Variants in COL6A2 observed in about 807,000 individuals in gnomAD.
COL6A2 encodes the protein collagen alpha-2(VI) chain.
COL6A2 carries 90 observed loss-of-function variants against 124.9 expected under a neutral mutation model. The observed-to-expected ratio is 0.72, with a 90% CI of 0.61 to 0.86. The LOEUF (loss-of-function observed/expected upper bound fraction) is 0.86. Among genes scored for constraint, COL6A2 ranks in the 40% least tolerant of loss-of-function variants. The pLI is 0.00. For missense variants in COL6A2, 1,607 were observed against 1,502.5 expected (o/e 1.07, Z -1.15); for synonymous variants, 793 against 618.2 (o/e 1.28, Z -4.19).
chr21:46,109,186 G>A (rs2078367824), intron 1 of COL6A2, among the ~76,000 whole-genome samples: 1 of 152,152 alleles, frequency 6.6e-6, no homozygotes, highest in African/African-American at 2.4e-5. Context: ...GCTCTCAGCA[G>A]AGAGAAAGCC....
intron 23 of COL6A2, 73 bp from the exon 24 acceptor site, chr21:46,125,193 C>T (rs1796191543): frequency 4.9e-6 from 7 of 1,435,188 alleles, no homozygotes; most frequent in Middle Eastern, 1.8e-4. Flanking sequence ...CCGGGACCCC[C>T]AGGCCAGGAC....
intron 25 of COL6A2, 80 bp downstream of exon 25, chr21:46,125,697 C>T (rs544403888): frequency 1.3e-4 from 208 of 1,590,218 alleles, no homozygotes; most frequent in Middle Eastern, 5.0e-4. Flanking sequence ...GAAGTCCAGA[C>T]GCGTCCCTCC....
chr21:46,132,234 C>T lies in COL6A2; in HGVS notation c.2742C>T (p.Phe914=), dbSNP rs747734639. 2.6e-5 allele frequency: 42 copies of T among 1,600,134 alleles called. 2 individuals carry two copies. In the Middle Eastern group the frequency reaches 3.6e-3, roughly 138 times the overall value. ...ALETTQYLNS[F]SHVGAGVVHA... ...AGACCACACAATACCTGAACTCCTT[C>T]TCGCACGTGGGCGCAGGCGTGGTGC... The change falls in exon 28 of 28, where the codon TTC becomes TTT. Residue 914 remains phenylalanine (F), a synonymous_variant. Transcript: ENST00000300527.
chr21:46,116,058 G>C lies in COL6A2; in HGVS notation c.900+5G>C. The stretch of plus-strand genomic sequence containing the variant: ...ATTGGATTCCCAGGACCCAAGGTGA[G>C]TGACCTCGGCCAGGGGCTTGGCTCC... On this transcript the variant is annotated splice_donor_5th_base_variant and intron_variant, in intron 7 of 27. Transcript: ENST00000300527. The surrounding 1 kb of genome is among the most constrained non-coding windows in gnomAD (Gnocchi z 4.6). The C allele has an allele frequency of 6.3e-7, 1 of 1,579,828 alleles. No homozygotes were observed. The highest frequency in any genetic ancestry group is 8.6e-7 in the Non-Finnish European group (1 of 1,163,740).
At chr21:46,120,312 G>C (rs2078543590) in intron 15 of COL6A2, among the ~76,000 whole-genome samples, 1 of 152,168 alleles carries the variant, frequency 6.6e-6, no homozygotes, top group African/African-American at 2.4e-5. Context: ...GGGGGACCGA[G>C]AGACACCGTG....
intron 1 of COL6A2, among the ~76,000 whole-genome samples, 180 bp downstream of exon 1, chr21:46,098,353 C>T (rs1390281358): frequency 1.3e-5 from 2 of 151,746 alleles, no homozygotes; most frequent in Non-Finnish European, 2.9e-5. Flanking sequence ...GCTGGGGCCG[C>T]GCCTGCCCCT....
At chr21:46,129,818 C>T in intron 27 of COL6A2, 1 of 1,135,762 alleles carries the variant, frequency 8.8e-7, no homozygotes, top group Non-Finnish European at 1.1e-6. Context: ...CTGCAGAGTC[C>T]TTCTTTGCTG....
chr21:46,129,053 C>CCG, intron 27 of COL6A2: 1 of 1,600,400 alleles, frequency 6.2e-7, no homozygotes, highest in Non-Finnish European at 8.5e-7. Context: ...AGCCACACAC[C>CCG]CGCTCCACCT....
chr21:46,120,724 G>A, intron 16 of COL6A2, 147 bp downstream of exon 16: 1 of 807,654 alleles, frequency 1.2e-6, no homozygotes, highest in Non-Finnish European at 1.9e-6. Context: ...GGGCCCAGGT[G>A]AGGGCTATAC....
chr21:46,119,697 A>G (rs750419379), intron 14 of COL6A2, 91 bp from the exon 15 acceptor site: 12 of 1,174,646 alleles, frequency 1.0e-5, no homozygotes, highest in Admixed American at 2.0e-5. Flanking sequence ...CCTGTAGAGA[A>G]GGAGCATCGG....
At position 46,099,889 on chromosome 21, in the gene COL6A2, C is replaced by CGTTTTTTTTTTTTTTT. The variant is rs1345870090; in HGVS notation, c.-28+1716_-28+1717insGTTTTTTTTTTTTTTT. 4.4e-5 allele frequency among the ~76,000 whole-genome samples: 4 copies of CGTTTTTTTTTTTTTTT among 91,840 alleles called. 1 individual carries two copies. The highest frequency in any genetic ancestry group is 6.3e-5 in the Non-Finnish European group (3 of 47,664). The allele number at this position is 91,840 out of a possible 152,430, so 60.3% of individuals were successfully genotyped here. A position where few individuals can be genotyped will look rare whatever the true frequency, so the allele number is the denominator to read the frequency against. On this transcript the variant is annotated intron_variant, in intron 1 of 27. Coordinates refer to ENST00000300527, the MANE Select transcript of COL6A2 (RefSeq NM_001849.4). ...TCTCCACAATGGATAGCAGCACTGT[C>CGTTTTTTTTTTTTTTT]TTTTTTTTTTTTTTTTTTTTTTTCT... is the stretch of plus-strand genomic sequence containing the variant.
At position 46,112,394 on chromosome 21, in the gene COL6A2, C is replaced by T. The variant is rs772608328; in HGVS notation, c.531C>T (p.Ala177=). 6.8e-6 allele frequency: 11 copies of T among 1,607,516 alleles called. No homozygotes were observed. Among genetic ancestry groups the T allele is most frequent in the Middle Eastern group, 1.6e-4 (1 of 6,070 alleles). Residue 177 remains alanine (A), a synonymous_variant, in exon 3 of 28, where the codon GCC becomes GCT. Transcript: ENST00000300527. ...CCTGCGGGGGCATCAAGCTGCAGGCCGAGCGGGCCCGCGAGGAGGGCATCC... is the reference window on the plus strand; with the variant it reads ...CCTGCGGGGGCATCAAGCTGCAGGCTGAGCGGGCCCGCGAGGAGGGCATCC... ...GSPCGGIKLQ[A]ERAREEGIRL...
chr21:46,110,056 C>A (rs2123608426), intron 1 of COL6A2, among the ~76,000 whole-genome samples: 1 of 152,320 alleles, frequency 6.6e-6, no homozygotes, highest in Non-Finnish European at 1.5e-5. Flanking sequence ...AGCATGGTAC[C>A]TGGCCATGTC....
chr21:46,110,554 C>T (rs1185543432), intron 1 of COL6A2, among the ~76,000 whole-genome samples: 2 of 152,144 alleles, frequency 1.3e-5, no homozygotes, highest in Non-Finnish European at 1.5e-5. Context: ...GCCTGGGTCA[C>T]CTCATCCACT....
rs777782503 is a variant in COL6A2 at position 46,119,020 on chromosome 21, C to G, written c.1180-10C>G. 1.9e-6 allele frequency: 3 copies of G among 1,602,648 alleles called. No homozygotes were observed. Among genetic ancestry groups the G allele is most frequent in the Admixed American group, 3.3e-5 (2 of 59,952 alleles). ...CCTCTGGGTGACTGTGCTGTCCTCT[C>G]CTTCTTCAGGGGTATCAAGGCAACA... On this transcript the variant is annotated splice_polypyrimidine_tract_variant and intron_variant, in intron 13 of 27. Transcript: ENST00000300527.
intron 27 of COL6A2, chr21:46,128,892 C>G (rs776320722): frequency 6.2e-7 from 1 of 1,609,558 alleles, no homozygotes; most frequent in South Asian, 1.1e-5. Flanking sequence ...TTTGGCCTGT[C>G]TCCGGCACAG....
At chr21:46,115,826 C>T in intron 5 of COL6A2, 46 bp from the exon 6 acceptor site, 1 of 1,588,154 alleles carries the variant, frequency 6.3e-7, no homozygotes, top group Non-Finnish European at 8.6e-7. Context: ...CAGCTGCCTA[C>T]CGCCCACCCT....
chr21:46,125,804 G>A lies in COL6A2; in HGVS notation c.1989G>A (p.Val663=), dbSNP rs944558259. ...KSETGTRVGV[V]QYSHEGTFEA... ...TTGCAGGGACGCGTGTGGGCGTGGT[G>A]CAGTACAGCCACGAGGGCACCTTTG... Residue 663 remains valine, a synonymous_variant, in exon 26 of 28, where the codon GTG becomes GTA. Transcript: ENST00000300527. 5.0e-6 allele frequency: 8 copies of A among 1,612,718 alleles called. No individual in the cohort carries two copies. In the Admixed American group the frequency reaches 5.0e-5, roughly 10 times the overall value.
At chr21:46,107,628 C>T (rs973220543) in intron 1 of COL6A2, among the ~76,000 whole-genome samples, 6 of 152,184 alleles carry the variant, frequency 3.9e-5, no homozygotes, top group African/African-American at 1.4e-4. Context: ...TCTCTAAGGG[C>T]AGCCACTATG....
Sources: gnomAD v4.1 joint callset for allele counts (sites outside exome capture counted in the v4.1 genomes callset) on GRCh38, gnomAD v4.1.1 for gene constraint, Gnocchi (gnomAD v3.1) non-coding constraint, MANE v1.5 for transcripts, NCBI Gene and HGNC (gene_info 2026-07-23, HGNC 2026-07-21) for gene names.